ZNF276: variants seen among roughly 807,000 people sequenced by gnomAD.
The protein encoded by ZNF276 is zinc finger protein 276.
A neutral mutation model predicts 63.9 loss-of-function variants in ZNF276; 59 were observed. The observed-to-expected ratio is 0.92, with a 90% CI of 0.75 to 1.15. ZNF276 has a LOEUF of 1.15. Ranked by LOEUF, ZNF276 falls within the 50% of genes most tolerant of loss-of-function variation. ZNF276 has a pLI of 0.00. For synonymous variants in ZNF276, 496 were observed against 348.4 expected (o/e 1.42, Z -4.72); for missense variants, 1,084 against 843.8 (o/e 1.28, Z -3.53).
intron 4 of ZNF276, among the ~76,000 whole-genome samples, chr16:89,724,211 C>A (rs186359771): frequency 1.3e-5 from 2 of 152,224 alleles, no homozygotes; most frequent in Admixed American, 1.3e-4. Flanking sequence ...CTTGTTTGGG[C>A]CCCAGAACCC....
At chr16:89,727,141 G>A in intron 4 of ZNF276, 138 bp from the exon 5 acceptor site, 1 of 868,264 alleles carries the variant, frequency 1.2e-6, no homozygotes, top group Non-Finnish European at 1.9e-6. Context: ...GGTGGGGATG[G>A]GGCCATGGTG....
At chr16:89,735,819 A>G (rs538392427) in intron 9 of ZNF276, among the ~76,000 whole-genome samples, 14 of 151,894 alleles carry the variant, frequency 9.2e-5, no homozygotes, top group African/African-American at 3.1e-4. Flanking sequence ...AGTTCAAGCA[A>G]TTCTCCTGTC....
Position 89,738,239 on chromosome 16 carries a change from C to A in ZNF276, c.1838C>A (p.Pro613His). ...GAGGGCCAGGCGGTGAAGCCCGAAC[C>A]CACCTGAGGACGGCAGTGAGGATGA... is the stretch of plus-strand genomic sequence containing the variant. ...TTEGQAVKPEPT is the reference protein window; with the variant it reads ...TTEGQAVKPEHT Residue 613 changes from proline (P) to histidine (H), a missense_variant, in exon 11 of 11, where the codon CCC becomes CAC. Pro to His is a moderately conservative substitution (Grantham distance 77). Transcript: ENST00000443381. 1 of 1,602,536 alleles carries A rather than the reference C, an allele frequency of 6.2e-7. No homozygotes were observed. Among genetic ancestry groups the A allele is most frequent in the Non-Finnish European group, 8.5e-7 (1 of 1,175,140 alleles).
At chr16:89,730,828 C>T (rs1485247669) in intron 6 of ZNF276, among the ~76,000 whole-genome samples, 1 of 152,194 alleles carries the variant, frequency 6.6e-6, no homozygotes, top group African/African-American at 2.4e-5. Flanking sequence ...GTCTTGTCAA[C>T]CCTGACCTTG....
Position 89,737,918 on chromosome 16 carries a change from C to T in ZNF276, c.1574+13C>T, listed in dbSNP as rs376007349. 2.6e-6 allele frequency: 4 copies of T among 1,565,052 alleles called. No individual in the cohort carries two copies. The highest frequency in any genetic ancestry group is 1.1e-5 in the South Asian group (1 of 89,056). On this transcript the variant is annotated intron_variant, in intron 10 of 10. Transcript: ENST00000443381. The stretch of plus-strand genomic sequence containing the variant: ...CCAAGCCTTTGCAGTAAGTGTGAGT[C>T]AGGACCCCCTCCCAGGGCTGTGGCC...
At chr16:89,729,433 T>C in intron 6 of ZNF276, 115 bp downstream of exon 6, 1 of 929,342 alleles carries the variant, frequency 1.1e-6, no homozygotes, top group Non-Finnish European at 1.7e-6. Flanking sequence ...TGTGCGGATC[T>C]CCCGAGCCCA....
rs747616573 is a variant in ZNF276 at position 89,740,864 on chromosome 16, T to C, written c.*2618T>C. 16 of 1,611,806 alleles carry C rather than the reference T, an allele frequency of 9.9e-6. No individual in the cohort carries two copies. The highest frequency in any genetic ancestry group is 6.7e-5 in the Admixed American group (4 of 59,858). ...AGGAGAAGAAGAAAAGGAAAACCAATAGCTGTAAATAAAAACGTGCACTTA... is the reference window on the plus strand; with the variant it reads ...AGGAGAAGAAGAAAAGGAAAACCAACAGCTGTAAATAAAAACGTGCACTTA... On this transcript the variant is annotated 3_prime_UTR_variant, in exon 11 of 11. Transcript: ENST00000443381.
At position 89,728,233 on chromosome 16, in the gene ZNF276, C is replaced by CT. The variant is rs957181637; in HGVS notation, c.1085+886dup. ...TTTTTTTTTTTTTTCCTTTTGTGAACTTTTTTTTTTAGACCGAGCCTTACT... is the reference window on the plus strand; with the variant it reads ...TTTTTTTTTTTTTTCCTTTTGTGAACTTTTTTTTTTTAGACCGAGCCTTACT... On this transcript the variant is annotated intron_variant, in intron 5 of 10. Coordinates refer to ENST00000443381, the MANE Select transcript of ZNF276 (RefSeq NM_001113525.2). Among the ~76,000 whole-genome samples the CT allele has an allele frequency of 6.6e-3, 723 of 109,872 alleles. 4 individuals carry two copies. Among genetic ancestry groups the CT allele is most frequent in the African/African-American group, 0.023 (666 of 28,516 alleles). 72.1% of individuals were successfully genotyped at this position (109,872 alleles called of 152,430 possible).
At position 89,739,389 on chromosome 16, in the gene ZNF276, A is replaced by G. The variant is rs1445598220; in HGVS notation, c.*1143A>G. 2.3e-5 allele frequency: 37 copies of G among 1,577,980 alleles called. No individual in the cohort carries two copies. Among genetic ancestry groups the G allele is most frequent in the Non-Finnish European group, 3.1e-5 (36 of 1,157,700 alleles). ...CATCTGTGGAGCAGAGGCACAGACA[A>G]CCCTTCCCATCTGGCGGGACCCAGA... On this transcript the variant is annotated 3_prime_UTR_variant, in exon 11 of 11. Transcript: ENST00000443381.
chr16:89,733,598 A>C, intron 8 of ZNF276, 41 bp downstream of exon 8: 3 of 1,606,948 alleles, frequency 1.9e-6, no homozygotes, highest in Non-Finnish European at 2.6e-6. Flanking sequence ...GGCAGCTGTC[A>C]GTGTGAACCT....
In ZNF276 at chr16:89,721,559, C is replaced by T; in HGVS notation, c.-82C>T. The T allele has an allele frequency of 1.5e-6, 2 of 1,353,780 alleles. No individual in the cohort carries two copies. The highest frequency in any genetic ancestry group is 1.4e-5 in the South Asian group (1 of 71,300). The allele number at this position is 1,353,780 out of a possible 1,614,324, so 83.9% of individuals were successfully genotyped here. On this transcript the variant is annotated 5_prime_UTR_variant, in exon 1 of 11. Transcript: ENST00000443381. ...CCCGCCCCGCCTCGCTTCCAGCGCG[C>T]CGAGCGGAGCCTAACGCCGGGTCCT...
chr16:89,735,712 CT>C (rs911417070), intron 9 of ZNF276, among the ~76,000 whole-genome samples: 2 of 151,388 alleles, frequency 1.3e-5, no homozygotes, highest in African/African-American at 4.9e-5. Flanking sequence ...TTACCAAAAA[CT>C]TTTTTTTTAA....
In ZNF276 at chr16:89,739,959, C is replaced by G. The variant is rs1486116374; in HGVS notation, c.*1713C>G. On this transcript the variant is annotated 3_prime_UTR_variant, in exon 11 of 11. Transcript: ENST00000443381. ...GCAAGATGCCTCTGAAAAGAGCGGC[C>G]CTCCGCATTTGTGCCTCAGCAGCGT... 1 of 1,612,146 alleles carries G rather than the reference C, an allele frequency of 6.2e-7. No homozygotes were observed. Among genetic ancestry groups the G allele is most frequent in the South Asian group, 1.1e-5 (1 of 91,054 alleles).
intron 6 of ZNF276, among the ~76,000 whole-genome samples, chr16:89,729,521 G>A (rs2151681269): frequency 6.6e-6 from 1 of 152,322 alleles, no homozygotes; most frequent in Admixed American, 6.5e-5. Flanking sequence ...TCCTCCTGGT[G>A]CTTTGGAGCT....
intron 6 of ZNF276, among the ~76,000 whole-genome samples, 191 bp downstream of exon 6, chr16:89,729,509 G>GGT (rs71274590): frequency 0.081 from 12,398 of 152,208 alleles, 579 homozygotes; most frequent in Admixed American, 0.13. Context: ...TGAGAAGGTG[G>GGT]GTCCTCCTGG....
intron 6 of ZNF276, among the ~76,000 whole-genome samples, chr16:89,730,386 C>T (rs1173954595): frequency 6.6e-6 from 1 of 152,178 alleles, no homozygotes; most frequent in Non-Finnish European, 1.5e-5. Flanking sequence ...GAGAATGTGT[C>T]TCTGGCTTGC....
chr16:89,725,438 C>G (rs749121692), intron 4 of ZNF276, among the ~76,000 whole-genome samples: 2 of 152,160 alleles, frequency 1.3e-5, no homozygotes, highest in Non-Finnish European at 2.9e-5. Context: ...GCATCAGCCT[C>G]CCAGAATGCT....
intron 4 of ZNF276, among the ~76,000 whole-genome samples, chr16:89,725,655 G>T (rs1456248877): frequency 6.6e-6 from 1 of 152,080 alleles, no homozygotes; most frequent in Non-Finnish European, 1.5e-5. Flanking sequence ...GCTGGATGTG[G>T]CTGTGGTTGC....
Position 89,738,391 on chromosome 16 carries a change from T to A in ZNF276, c.*145T>A. On this transcript the variant is annotated 3_prime_UTR_variant, in exon 11 of 11. Transcript: ENST00000443381. ...AGGCGGGCTTGGTGTCCGGCTCAAG[T>A]AGCCTTCCTCTGCTCTGGGACCAGT... 7.2e-7 allele frequency: 1 copy of A among 1,392,666 alleles called. No individual in the cohort carries two copies. Among genetic ancestry groups the A allele is most frequent in the Non-Finnish European group, 9.7e-7 (1 of 1,036,138 alleles). The allele number at this position is 1,392,666 out of a possible 1,614,324, so 86.3% of individuals were successfully genotyped here. A position where few individuals can be genotyped will look rare whatever the true frequency, so the allele number is the denominator to read the frequency against.
Sources: gnomAD v4.1 joint callset for allele counts (sites outside exome capture counted in the v4.1 genomes callset) on GRCh38, gnomAD v4.1.1 for gene constraint, MANE v1.5 for transcripts, NCBI Gene and HGNC (gene_info 2026-07-23, HGNC 2026-07-21) for gene names.